Variants in NBEAL1 observed in about 807,000 individuals in gnomAD.
The protein encoded by NBEAL1 is neurobeachin like 1.
Under a neutral mutation model 351.3 loss-of-function variants are expected in NBEAL1, and 273 were observed. The observed-to-expected ratio is 0.78, with a 90% CI of 0.70 to 0.86. The LOEUF (loss-of-function observed/expected upper bound fraction) is 0.86. Among genes scored for constraint, NBEAL1 ranks in the 40% least tolerant of loss-of-function variants. NBEAL1 has a pLI of 0.00. For missense variants in NBEAL1, 2,961 were observed against 3,201.3 expected (o/e 0.92, Z 1.81); for synonymous variants, 1,050 against 1,086.4 (o/e 0.97, Z 0.66).
At chr2:203,123,381 G>C (rs988265285) in intron 19 of NBEAL1, among the ~76,000 whole-genome samples, 2 of 144,668 alleles carry the variant, frequency 1.4e-5, no homozygotes, top group African/African-American at 5.1e-5. Flanking sequence ...CTGTCGCCCT[G>C]GCTGGAGTGC....
chr2:203,198,627 G>A (rs35879912), intron 48 of NBEAL1, among the ~76,000 whole-genome samples: 45,093 of 151,686 alleles, frequency 0.3, 7,320 homozygotes, highest in East Asian at 0.61. Flanking sequence ...GAACTTGGGA[G>A]GCTGTGGGTG....
intron 38 of NBEAL1, among the ~76,000 whole-genome samples, chr2:203,168,357 G>T (rs1032419105): frequency 6.6e-6 from 1 of 152,168 alleles, no homozygotes; most frequent in African/African-American, 2.4e-5. Flanking sequence ...AGGCCGAGGC[G>T]GGTGGATCAC....
intron 2 of NBEAL1, among the ~76,000 whole-genome samples, chr2:203,017,270 G>A (rs1225790315): frequency 6.6e-6 from 1 of 152,124 alleles, no homozygotes; most frequent in African/African-American, 2.4e-5. Flanking sequence ...AGTATGTGTG[G>A]TGAAATTCTC....
intron 36 of NBEAL1, among the ~76,000 whole-genome samples, chr2:203,165,019 G>A (rs1008325229): frequency 2.6e-5 from 4 of 151,966 alleles, no homozygotes; most frequent in Admixed American, 6.6e-5. Flanking sequence ...GCACCACCAC[G>A]CCTGGCTAAT....
chr2:203,155,841 C>A (rs1411809704), intron 35 of NBEAL1, among the ~76,000 whole-genome samples: 1 of 152,128 alleles, frequency 6.6e-6, no homozygotes, highest in Non-Finnish European at 1.5e-5. Flanking sequence ...TCCTGCACAC[C>A]TTTAAATGAT....
intron 2 of NBEAL1, among the ~76,000 whole-genome samples, chr2:203,021,680 G>A (rs1007182900): frequency 6.6e-6 from 1 of 152,078 alleles, no homozygotes; most frequent in Non-Finnish European, 1.5e-5. Flanking sequence ...CATACAGTAA[G>A]AGAGATGGTG....
intron 51 of NBEAL1, among the ~76,000 whole-genome samples, chr2:203,206,978 G>A (rs1239607222): frequency 6.6e-6 from 1 of 151,016 alleles, no homozygotes; most frequent in African/African-American, 2.4e-5. Context: ...AGTGAGGAGC[G>A]CCTCTTCCCG....
chr2:203,132,277 G>GT (rs2063091297), intron 26 of NBEAL1, 145 bp downstream of exon 26: 1 of 585,772 alleles, frequency 1.7e-6, no homozygotes, highest in Non-Finnish European at 2.9e-6. Context: ...ACGTAGTTTT[G>GT]TTGTTTTTGT....
Position 203,122,342 on chromosome 2 carries a change from A to T in NBEAL1, c.2681A>T (p.Lys894Met), listed in dbSNP as rs1415381709. Residue 894 changes from lysine (K) to methionine (M), a missense_variant and splice_region_variant, in exon 19 of 56, where the codon AAG (lysine) becomes ATG (methionine). Transcript: ENST00000683969. ...TGNKVVNWDIKDIINCIGGLN... is the reference protein window; with the variant it reads ...TGNKVVNWDIMDIINCIGGLN... ...AACAAAGTAGTGAACTGGGACATTA[A>T]GGTAAATTAATAGTAAATGTTGGGC... 1.3e-6 allele frequency: 2 copies of T among 1,500,446 alleles called. No individual in the cohort carries two copies. Among genetic ancestry groups the T allele is most frequent in the Non-Finnish European group, 1.8e-6 (2 of 1,109,790 alleles). 92.9% of individuals were successfully genotyped at this position (1,500,446 alleles called of 1,614,324 possible).
At chr2:203,077,134 G>A (rs973467591) in intron 7 of NBEAL1, among the ~76,000 whole-genome samples, 13 of 152,044 alleles carry the variant, frequency 8.6e-5, no homozygotes, top group African/African-American at 2.7e-4. Flanking sequence ...ACAAGGGGCC[G>A]GGTGTGGTGG....
chr2:203,193,040 T>G (rs144388502), intron 46 of NBEAL1, among the ~76,000 whole-genome samples: 53 of 147,048 alleles, frequency 3.6e-4, no homozygotes, highest in Non-Finnish European at 4.8e-4. Flanking sequence ...GGCACGATCT[T>G]GGCTCACTGC....
rs1267169823 is a variant in NBEAL1, at chr2:203,125,398, T to G, written c.2729T>G (p.Leu910Trp). The change falls in exon 20 of 56, where the codon TTG becomes TGG. Residue 910 changes from leucine (L) to tryptophan (W), a missense_variant. Transcript: ENST00000683969. ...GGGTTAAATGTACTCTTTCCTTTAT[T>G]GGAACAAATCAGCCACTTTAGTGAA... ...IGGLNVLFPL[L>W]EQISHFSEGQ... is the part of the protein sequence containing the mutation. 6.5e-7 allele frequency: 1 copy of G among 1,546,760 alleles called. No individual in the cohort carries two copies. Among genetic ancestry groups the G allele is most frequent in the South Asian group, 1.2e-5 (1 of 82,470 alleles).
chr2:203,027,514 G>A (rs1056488219), intron 2 of NBEAL1, among the ~76,000 whole-genome samples: 3 of 151,968 alleles, frequency 2.0e-5, no homozygotes, highest in Admixed American at 2.0e-4. Context: ...AAAAAATGTT[G>A]TTTGATGCAT....
At chr2:203,188,691 C>A in intron 45 of NBEAL1, 102 bp downstream of exon 45, 1 of 637,506 alleles carries the variant, frequency 1.6e-6, no homozygotes, top group Non-Finnish European at 2.6e-6. Context: ...AGAAAGACTA[C>A]ATTTTAAAAA....
chr2:203,209,095 A>G, intron 52 of NBEAL1, 66 bp from the exon 53 acceptor site: 1 of 1,306,510 alleles, frequency 7.7e-7, no homozygotes, highest in Non-Finnish European at 1.1e-6. Context: ...GGCCCACTCT[A>G]CTTTTATTCT....
chr2:203,120,116 TA>T (rs941211795), intron 18 of NBEAL1, among the ~76,000 whole-genome samples: 10 of 152,222 alleles, frequency 6.6e-5, no homozygotes, highest in African/African-American at 2.4e-4. Context: ...AACATAACTT[TA>T]TGAGCATTTA....
In NBEAL1 at chr2:203,220,601, A is replaced by C. The variant is rs573666805; in HGVS notation, c.*3247A>C. ...TGGTGATAGGAAGAGATTTATACCA[A>C]GATAATTATTTTACTTTTGGAAAAT... On this transcript the variant is annotated 3_prime_UTR_variant, in exon 56 of 56. Coordinates refer to ENST00000683969, the MANE Select transcript of NBEAL1 (RefSeq NM_001378026.1). 3.9e-5 allele frequency among the ~76,000 whole-genome samples: 6 copies of C among 152,354 alleles called. No individual in the cohort carries two copies. In the East Asian group the frequency reaches 1.2e-3, roughly 29 times the overall value.
chr2:203,133,686 G>A (rs2063127411), intron 27 of NBEAL1, among the ~76,000 whole-genome samples: 1 of 149,554 alleles, frequency 6.7e-6, no homozygotes, highest in East Asian at 2.0e-4. Context: ...TTTACCTCAT[G>A]ATTTTGTCAC....
chr2:203,135,503 A>T (rs2063179431), intron 27 of NBEAL1, among the ~76,000 whole-genome samples, 174 bp from the exon 28 acceptor site: 1 of 152,210 alleles, frequency 6.6e-6, no homozygotes, highest in Non-Finnish European at 1.5e-5. Context: ...TTGGAAACAC[A>T]GTGCCAGTCT....
Sources: gnomAD v4.1 joint callset for allele counts (sites outside exome capture counted in the v4.1 genomes callset) on GRCh38, gnomAD v4.1.1 for gene constraint, MANE v1.5 for transcripts, NCBI Gene and HGNC (gene_info 2026-07-23, HGNC 2026-07-21) for gene names.